NEK6: variants seen among roughly 807,000 people sequenced by gnomAD.
NEK6 encodes serine/threonine-protein kinase Nek6.
In NEK6, 27 loss-of-function variants were observed where a neutral mutation model predicts 43.5. The ratio of observed to expected loss-of-function variants is 0.62; its 90% CI spans 0.46 to 0.86. The LOEUF is 0.86. Among genes scored for constraint, NEK6 ranks in the 40% least tolerant of loss-of-function variants. The pLI is 0.00. For missense variants in NEK6, 318 were observed against 414.4 expected, an observed-to-expected ratio of 0.77 and a Z score of 2.02; for synonymous variants, 167 against 164.1, an observed-to-expected ratio of 1.02 and a Z score of -0.14.
At chr9:124,300,535 T>C (rs1040522762) in intron 1 of NEK6, among the ~76,000 whole-genome samples, 2 of 152,084 alleles carry the variant, frequency 1.3e-5, no homozygotes, top group African/African-American at 2.4e-5. Flanking sequence ...ATGACGTCTT[T>C]GGCTGGGTCC....
chr9:124,307,894 C>A (rs185029034), intron 2 of NEK6, among the ~76,000 whole-genome samples: 296 of 152,312 alleles, frequency 1.9e-3, no homozygotes, highest in African/African-American at 6.6e-3. Context: ...GTGATGATAT[C>A]AACAGCCAAG....
chr9:124,347,945 G>A (rs1169723948), intron 9 of NEK6, 123 bp downstream of exon 9: 1 of 579,652 alleles, frequency 1.7e-6, no homozygotes, highest in Non-Finnish European at 3.1e-6. Context: ...TGCAGAAAGG[G>A]AGCTTTCTGG....
chr9:124,257,895 G>C (rs1830867116), upstream of NEK6: 1 of 971,214 alleles, frequency 1.0e-6, no homozygotes. Context: ...CGCTGGGGGC[G>C]GCGCGGCCCC....
At chr9:124,334,350 A>G (rs1829181148) in intron 7 of NEK6, among the ~76,000 whole-genome samples, 1 of 152,176 alleles carries the variant, frequency 6.6e-6, no homozygotes, top group Admixed American at 6.5e-5. Flanking sequence ...GATGGATGGC[A>G]ATTTGCAACA....
Position 124,312,591 on chromosome 9 carries a change from A to G in NEK6, c.173A>G (p.Glu58Gly). The G allele has an allele frequency of 6.2e-7, 1 of 1,614,168 alleles. No individual in the cohort carries two copies. The highest frequency in any genetic ancestry group is 1.1e-5 in the South Asian group (1 of 91,088). ...EKKIGRGQFS[E>G]VYKATCLLDR... ...AAGATAGGCCGAGGACAGTTCAGCG[A>G]GGTGTACAAGGCCACCTGCCTGCTG... Residue 58 changes from glutamate to glycine, a missense_variant, in exon 3 of 10, where the codon GAG becomes GGG. Glu to Gly is a moderately conservative substitution (Grantham distance 98). This residue lies in a region of NEK6 where 239 missense variants were observed against 344.4 expected (regional missense o/e 0.69). Transcript: ENST00000320246.
At chr9:124,261,636 C>T (rs1831034478) in intron 1 of NEK6, 9 of 950,456 alleles carry the variant, frequency 9.5e-6, no homozygotes, top group Non-Finnish European at 1.1e-5. Context: ...TTTTTCCCTG[C>T]TCATTTCCAT....
chr9:124,337,253 G>A (rs1829343733), intron 7 of NEK6, among the ~76,000 whole-genome samples: 1 of 152,206 alleles, frequency 6.6e-6, no homozygotes, highest in Non-Finnish European at 1.5e-5. Flanking sequence ...GGTGCTGGGA[G>A]GTCAGGGCAC....
chr9:124,283,645 A>C (rs2225372), intron 1 of NEK6, among the ~76,000 whole-genome samples: 1 of 152,170 alleles, frequency 6.6e-6, no homozygotes, highest in Admixed American at 6.5e-5. Flanking sequence ...TACTTCCTGA[A>C]CCTCCCCTCT....
chr9:124,339,878 TGG>T (rs1829503990), intron 8 of NEK6, among the ~76,000 whole-genome samples: 1 of 145,448 alleles, frequency 6.9e-6, no homozygotes, highest in Non-Finnish European at 1.5e-5. Flanking sequence ...TGTTAGAGGG[TGG>T]ACAGCAGTGG....
chr9:124,300,506 G>A (rs184593688), intron 1 of NEK6, among the ~76,000 whole-genome samples: 7 of 152,254 alleles, frequency 4.6e-5, no homozygotes, highest in South Asian at 4.1e-4. Context: ...AGCAGGAGGC[G>A]GGGTCTGTCT....
chr9:124,339,272 G>C (rs1471772816), intron 7 of NEK6, among the ~76,000 whole-genome samples: 4 of 151,686 alleles, frequency 2.6e-5, no homozygotes, highest in Non-Finnish European at 4.4e-5. Flanking sequence ...TGGGATTACA[G>C]GCGTGAGCCA....
intron 1 of NEK6, among the ~76,000 whole-genome samples, chr9:124,284,081 G>A (rs1832043749): frequency 6.6e-6 from 1 of 152,266 alleles, no homozygotes; most frequent in Non-Finnish European, 1.5e-5. Flanking sequence ...AGGCGCAGTG[G>A]CTCTCGCCTA....
intron 2 of NEK6, among the ~76,000 whole-genome samples, chr9:124,304,789 T>C (rs1012388607): frequency 3.3e-5 from 5 of 152,108 alleles, no homozygotes; most frequent in Non-Finnish European, 5.9e-5. Context: ...TGAAAAAATA[T>C]TTGCTGAAAC....
intron 8 of NEK6, among the ~76,000 whole-genome samples, chr9:124,340,133 T>TCTCCCC (rs541928195): frequency 6.6e-6 from 1 of 151,158 alleles, no homozygotes. Flanking sequence ...TGGGTCTCCC[T>TCTCCCC]AAAGACCACC....
chr9:124,323,112 G>A (rs977440629), intron 5 of NEK6, among the ~76,000 whole-genome samples: 2 of 152,180 alleles, frequency 1.3e-5, no homozygotes, highest in African/African-American at 4.8e-5. Context: ...TAGGGTTGCC[G>A]CCAGCATGGC....
chr9:124,307,476 C>A (rs1833313266), intron 2 of NEK6, among the ~76,000 whole-genome samples: 1 of 152,212 alleles, frequency 6.6e-6, no homozygotes, highest in Non-Finnish European at 1.5e-5. Context: ...GGTTCCTCCA[C>A]CCTCCTCCTC....
intron 7 of NEK6, 50 bp downstream of exon 7, chr9:124,327,495 C>T (rs535507162): frequency 2.8e-6 from 4 of 1,439,932 alleles, no homozygotes; most frequent in African/African-American, 1.4e-5. Flanking sequence ...TCCTGGTGAC[C>T]ATGCAGGGAG....
At chr9:124,312,367 G>A (rs1291407938) in intron 2 of NEK6, 142 bp from the exon 3 acceptor site, 12 of 1,012,822 alleles carry the variant, frequency 1.2e-5, no homozygotes, top group Admixed American at 6.0e-5. Context: ...GGGGGTGCCT[G>A]GGAGGCTCCC....
chr9:124,276,266 C>T (rs1831647214), intron 1 of NEK6, among the ~76,000 whole-genome samples: 1 of 152,102 alleles, frequency 6.6e-6, no homozygotes, highest in African/African-American at 2.4e-5. Context: ...TTCAGTGGCT[C>T]CAGAGTCTCA....
Sources: allele counts gnomAD v4.1 joint callset (sites outside exome capture counted in the v4.1 genomes callset), GRCh38; gene constraint gnomAD v4.1.1; regional missense constraint gnomAD v4.1.1; transcripts MANE v1.5; gene names NCBI Gene and HGNC (gene_info 2026-07-23, HGNC 2026-07-21).